The following MAF variants were observed in gnomAD, a reference collection of about 807,000 sequenced individuals.
The protein encoded by MAF is transcription factor Maf.
A neutral mutation model predicts 22.0 loss-of-function variants in MAF; 10 were observed. The ratio of observed to expected loss-of-function variants is 0.45; its 90% CI spans 0.28 to 0.77. The LOEUF is 0.77. MAF is among the 30% of genes least tolerant of loss of function. The pLI is 0.12. For synonymous variants in MAF, 337 were observed against 255.8 expected (o/e 1.32, Z -3.03); for missense variants, 544 against 548.4 (o/e 0.99, Z 0.08).
chr16:79,304,048 A>C, the MAF span, among the ~76,000 whole-genome samples: 2 of 152,256 alleles, frequency 1.3e-5, no homozygotes, highest in African/African-American at 4.8e-5. Context: ...TCCTCTATAA[A>C]GAAATATGGG....
the MAF span, among the ~76,000 whole-genome samples, chr16:79,321,356 G>C: frequency 6.6e-6 from 1 of 152,280 alleles, no homozygotes; most frequent in East Asian, 1.9e-4. Context: ...AGTTAAATTT[G>C]AATTTCAGAT....
chr16:79,448,629 G>A, the MAF span, among the ~76,000 whole-genome samples: 1 of 151,938 alleles, frequency 6.6e-6, no homozygotes, highest in African/African-American at 2.4e-5. Flanking sequence ...GTTTCACTAT[G>A]TTGTCCAGGC....
the MAF span, among the ~76,000 whole-genome samples, chr16:79,319,482 T>C: frequency 6.6e-6 from 1 of 152,166 alleles, no homozygotes; most frequent in Non-Finnish European, 1.5e-5. Context: ...TCAGTCCCCT[T>C]CCCCAAGCAC....
chr16:79,591,248 A>C (rs1205148393), downstream of MAF, among the ~76,000 whole-genome samples: 1 of 152,192 alleles, frequency 6.6e-6, no homozygotes, highest in African/African-American at 2.4e-5. Flanking sequence ...ACTGGTCTGC[A>C]GCTCACACCA....
chr16:79,440,868 A>G, the MAF span, among the ~76,000 whole-genome samples: 1 of 152,184 alleles, frequency 6.6e-6, no homozygotes, highest in African/African-American at 2.4e-5. Flanking sequence ...GGAGTGGGAG[A>G]GACAGGAACA....
the MAF span, among the ~76,000 whole-genome samples, chr16:79,570,277 G>C: frequency 6.6e-6 from 1 of 151,910 alleles, no homozygotes; most frequent in African/African-American, 2.4e-5. Flanking sequence ...CTCCAGCCCT[G>C]GCCTTCCAAA....
At chr16:79,240,761 C>A in the MAF span, among the ~76,000 whole-genome samples, 7 of 151,990 alleles carry the variant, frequency 4.6e-5, no homozygotes, top group East Asian at 1.4e-3. Context: ...AGACACCTCC[C>A]AGTAGGGGCC....
the MAF span, among the ~76,000 whole-genome samples, chr16:79,245,742 A>G: frequency 6.6e-6 from 1 of 152,064 alleles, no homozygotes; most frequent in Admixed American, 6.6e-5. Context: ...ATTCTACTAT[A>G]AAGACACATG....
the MAF span, among the ~76,000 whole-genome samples, chr16:79,287,506 T>TCCCCCAAA: frequency 1.3e-5 from 2 of 152,216 alleles, no homozygotes; most frequent in Admixed American, 6.5e-5. Flanking sequence ...CCAAGTGTTT[T>TCCCCCAAA]CCCCCAAACC....
chr16:79,381,185 T>C, the MAF span, among the ~76,000 whole-genome samples: 1 of 152,274 alleles, frequency 6.6e-6, no homozygotes, highest in Non-Finnish European at 1.5e-5. Flanking sequence ...TGTGCCTGCT[T>C]TCCCTACAAA....
the MAF span, among the ~76,000 whole-genome samples, chr16:79,256,135 C>T: frequency 2.0e-5 from 3 of 151,144 alleles, no homozygotes; most frequent in Non-Finnish European, 3.0e-5. Context: ...GCACATGCCA[C>T]GACGCCCAGC....
chr16:79,538,850 GA>G, the MAF span, among the ~76,000 whole-genome samples: 2 of 120,802 alleles, frequency 1.7e-5, no homozygotes, highest in African/African-American at 3.3e-5. Context: ...AAGAAAGAAA[GA>G]AAAGAAAAGA....
chr16:79,372,535 T>C, the MAF span, among the ~76,000 whole-genome samples: 6 of 152,162 alleles, frequency 3.9e-5, no homozygotes, highest in African/African-American at 1.4e-4. Context: ...AAAGATTACA[T>C]CAGACTGGAA....
chr16:79,507,570 G>A, the MAF span, among the ~76,000 whole-genome samples: 8 of 151,798 alleles, frequency 5.3e-5, no homozygotes, highest in South Asian at 1.5e-3. Context: ...GACTACAGGC[G>A]CCCACCACCA....
the MAF span, among the ~76,000 whole-genome samples, chr16:79,246,546 G>GGT: frequency 7.3e-6 from 1 of 136,662 alleles, no homozygotes; most frequent in Non-Finnish European, 1.6e-5. Flanking sequence ...TTTTTGGGGG[G>GGT]GGTGTGGGGG....
the MAF span, among the ~76,000 whole-genome samples, chr16:79,338,648 GA>G: frequency 2.1e-4 from 32 of 151,744 alleles, no homozygotes; most frequent in Admixed American, 1.4e-3. Flanking sequence ...AGTTGAGGAA[GA>G]AAAAAAATGG....
chr16:79,234,270 A>C, the MAF span, among the ~76,000 whole-genome samples: 1 of 151,966 alleles, frequency 6.6e-6, no homozygotes, highest in Non-Finnish European at 1.5e-5. Flanking sequence ...CATACTATTA[A>C]TTTTATTTTT....
the MAF span, among the ~76,000 whole-genome samples, chr16:79,325,570 G>A: frequency 4.0e-5 from 6 of 150,006 alleles, no homozygotes; most frequent in Non-Finnish European, 8.9e-5. Context: ...CACACACACA[G>A]ATGCCCACAC....
the MAF span, among the ~76,000 whole-genome samples, chr16:79,534,113 C>A: frequency 6.6e-6 from 1 of 152,236 alleles, no homozygotes; most frequent in African/African-American, 2.4e-5. Context: ...GCCTAGGCAA[C>A]TGGCCTAACA....
Sources: allele counts gnomAD v4.1 joint callset (sites outside exome capture counted in the v4.1 genomes callset), GRCh38; gene constraint gnomAD v4.1.1; transcripts MANE v1.5; gene names NCBI Gene and HGNC (gene_info 2026-07-23, HGNC 2026-07-21).